THOC7: variants seen among roughly 807,000 people sequenced by gnomAD.
THOC7 encodes the protein THO complex subunit 7.
Under a neutral mutation model 33.1 loss-of-function variants are expected in THOC7, and 22 were observed. The observed-to-expected ratio is 0.66, with a 90% confidence interval of 0.47 to 0.95. THOC7 has a LOEUF of 0.95. THOC7 is among the 40% of genes least tolerant of loss of function. THOC7 has a pLI of 0.00. For synonymous variants in THOC7, 77 were observed against 76.8 expected (o/e 1.00, Z -0.01); for missense variants, 184 against 245.3 (o/e 0.75, Z 1.67).
At position 63,835,136 on chromosome 3, in the gene THOC7, G is replaced by C. The variant is rs750026360; in HGVS notation, c.547+18C>G. On this transcript the variant is annotated intron_variant, in intron 7 of 7. Transcript: ENST00000295899. ...AAAAATCTTCATAAGCATTTACTTT[G>C]AGACTATTTCTACTTACTTTCCAAT... 1.1e-5 allele frequency: 18 copies of C among 1,611,422 alleles called. No individual in the cohort carries two copies. In the East Asian group the frequency reaches 4.0e-4, roughly 36 times the overall value.
chr3:63,850,911 G>A (rs1389667915), intron 1 of THOC7, among the ~76,000 whole-genome samples: 1 of 152,124 alleles, frequency 6.6e-6, no homozygotes, highest in African/African-American at 2.4e-5. Flanking sequence ...AGATAGTCAT[G>A]GGAGGCTAGA....
chr3:63,843,943 A>C (rs990058758), intron 1 of THOC7, among the ~76,000 whole-genome samples: 6 of 152,256 alleles, frequency 3.9e-5, no homozygotes, highest in Admixed American at 3.3e-4. Context: ...GTATATATAT[A>C]TGTGTGTATG....
At position 63,845,015 on chromosome 3, in the gene THOC7, CTT is replaced by C. The variant is rs769147310; in HGVS notation, c.20-5244_20-5243del. On this transcript the variant is annotated intron_variant, in intron 1 of 7. Transcript: ENST00000295899. The stretch of plus-strand genomic sequence containing the variant: ...CTTTACATTTGTTGTAATTTTGTCT[CTT>C]GACAGATGACCACAAAAGGACCTGG... 77 of 695,946 alleles carry C rather than the reference CTT, an allele frequency of 1.1e-4. No homozygotes were observed. The South Asian group carries it at 1.1e-3, about 10-fold the overall frequency. The allele number at this position is 695,946 out of a possible 1,614,324, so 43.1% of individuals were successfully genotyped here. A position where few individuals can be genotyped will look rare whatever the true frequency, so the allele number is the denominator to read the frequency against.
chr3:63,863,297 G>T, intron 1 of THOC7: 1 of 308,530 alleles, frequency 3.2e-6, no homozygotes, highest in Non-Finnish European at 4.8e-6. Flanking sequence ...CGTCCCTGGA[G>T]CTCCCACTCC....
intron 4 of THOC7, among the ~76,000 whole-genome samples, chr3:63,836,818 A>C (rs999178662): frequency 6.6e-6 from 1 of 152,032 alleles, no homozygotes; most frequent in African/African-American, 2.4e-5. Flanking sequence ...AAACTTGCAA[A>C]TAACTTAAAA....
At chr3:63,859,772 C>T (rs1316838966) in intron 1 of THOC7, among the ~76,000 whole-genome samples, 4 of 152,202 alleles carry the variant, frequency 2.6e-5, no homozygotes, top group South Asian at 2.1e-4. Context: ...TACTTGTTGA[C>T]GGATCACACA....
intron 1 of THOC7, among the ~76,000 whole-genome samples, chr3:63,862,337 A>G (rs1702240868): frequency 6.6e-6 from 1 of 152,220 alleles, no homozygotes; most frequent in South Asian, 2.1e-4. Flanking sequence ...ATTTCCATTG[A>G]TTGGATAAAT....
intron 1 of THOC7, among the ~76,000 whole-genome samples, chr3:63,859,575 C>T (rs1462168040): frequency 6.6e-6 from 1 of 152,218 alleles, no homozygotes; most frequent in Non-Finnish European, 1.5e-5. Context: ...CCCCATTACT[C>T]TCTGTCCTCA....
At chr3:63,863,077 T>C (rs1446388080) in intron 1 of THOC7, 2 of 152,668 alleles carry the variant, frequency 1.3e-5, no homozygotes, top group African/African-American at 2.4e-5. Context: ...GTACACTTCC[T>C]GATCACCCTC....
At chr3:63,836,184 A>C in intron 5 of THOC7, 117 bp downstream of exon 5, 1 of 892,904 alleles carries the variant, frequency 1.1e-6, no homozygotes, top group East Asian at 2.5e-5. Flanking sequence ...ATAATATTGA[A>C]TATCTGACCC....
In THOC7 at chr3:63,863,719, G is replaced by A. The variant is rs571414424; in HGVS notation, c.19+53C>T. 1.8e-3 allele frequency: 2,202 copies of A among 1,249,200 alleles called. 28 individuals are homozygous for A. The African/African-American group carries it at 0.023, about 13-fold the overall frequency. 77.4% of individuals were successfully genotyped at this position (1,249,200 alleles called of 1,614,324 possible). A position where few individuals can be genotyped will look rare whatever the true frequency, so the allele number is the denominator to read the frequency against. ...GGGCCGGGAGGCCAGGGGTCTCAGG[G>A]GAGGCCCAGCGGGCCGTGCAGCGGG... is the stretch of plus-strand genomic sequence containing the variant. On this transcript the variant is annotated intron_variant, in intron 1 of 7. Transcript: ENST00000295899.
chr3:63,848,961 T>G (rs367770001), intron 1 of THOC7, among the ~76,000 whole-genome samples: 1 of 152,244 alleles, frequency 6.6e-6, no homozygotes. Context: ...GTTAGTACTG[T>G]TATTTTTACG....
At chr3:63,837,755 G>A (rs979714834) in intron 4 of THOC7, among the ~76,000 whole-genome samples, 4 of 151,850 alleles carry the variant, frequency 2.6e-5, no homozygotes, top group African/African-American at 9.7e-5. Flanking sequence ...AAACAGAAAA[G>A]AAATACTTGG....
rs149216656 is a variant in THOC7 at position 63,845,215 on chromosome 3, G to A, written c.20-5442C>T. ...CTCGCTGATATCTTTGGCTTTGGGG[G>A]TATCAAGATTAGTTTGTGCTATGAG... is the stretch of plus-strand genomic sequence containing the variant. On this transcript the variant is annotated intron_variant, in intron 1 of 7. Coordinates refer to ENST00000295899, the MANE Select transcript of THOC7 (RefSeq NM_025075.4). 3.6e-4 allele frequency: 169 copies of A among 472,166 alleles called. 2 individuals carry two copies. In the East Asian group the frequency reaches 4.3e-3, roughly 12 times the overall value. The allele number at this position is 472,166 out of a possible 1,614,324, so 29.2% of individuals were successfully genotyped here.
At chr3:63,841,484 T>C (rs1701758874) in intron 1 of THOC7, among the ~76,000 whole-genome samples, 2 of 152,206 alleles carry the variant, frequency 1.3e-5, no homozygotes, top group South Asian at 4.1e-4. Context: ...CTTTAAACAA[T>C]AGTTCCTGTG....
chr3:63,837,970 C>A lies in THOC7; in HGVS notation c.352+6G>T, dbSNP rs1258934799. 1.4e-5 allele frequency: 22 copies of A among 1,605,998 alleles called. No individual in the cohort carries two copies. Among genetic ancestry groups the A allele is most frequent in the Non-Finnish European group, 1.9e-5 (22 of 1,177,158 alleles). ...ATTTGCACATTAAATCCCTCAAAAC[C>A]CTTACCTTGGCGATTTTTTCGTATT... is the stretch of plus-strand genomic sequence containing the variant. On this transcript the variant is annotated splice_donor_region_variant and intron_variant, in intron 4 of 7. Coordinates refer to ENST00000295899, the MANE Select transcript of THOC7 (RefSeq NM_025075.4).
intron 1 of THOC7, among the ~76,000 whole-genome samples, chr3:63,852,278 A>G (rs1702035488): frequency 6.6e-6 from 1 of 152,240 alleles, no homozygotes; most frequent in Non-Finnish European, 1.5e-5. Context: ...AGTCCCTACT[A>G]GTGCAGTGCT....
At chr3:63,863,664 G>A (rs1283899622) in intron 1 of THOC7, 108 bp downstream of exon 1, 3 of 1,227,268 alleles carry the variant, frequency 2.4e-6, no homozygotes, top group Non-Finnish European at 2.0e-6. Flanking sequence ...CTGGCGAAGA[G>A]GCCGGGGAGG....
chr3:63,862,050 CAA>C lies in THOC7; in HGVS notation c.19+1720_19+1721del, dbSNP rs529666285. On this transcript the variant is annotated intron_variant, in intron 1 of 7. Transcript: ENST00000295899. ...AAGAGGTCCGCCTGCCTTGGCCTCC[CAA>C]AGTGTTGGGATTACAGGCGTGAGCC... 9.2e-5 allele frequency among the ~76,000 whole-genome samples: 14 copies of C among 152,216 alleles called. No homozygotes were observed. In the East Asian group the frequency reaches 2.7e-3, roughly 29 times the overall value.
Sources: gnomAD v4.1 joint callset for allele counts (sites outside exome capture counted in the v4.1 genomes callset) on GRCh38, gnomAD v4.1.1 for gene constraint, MANE v1.5 for transcripts, NCBI Gene and HGNC (gene_info 2026-07-23, HGNC 2026-07-21) for gene names.